MAJIN: variants seen among roughly 807,000 people sequenced by gnomAD.
MAJIN encodes membrane-anchored junction protein.
A neutral mutation model predicts 30.2 loss-of-function variants in MAJIN; 27 were observed. The observed-to-expected ratio is 0.89, with a 90% CI of 0.66 to 1.23. The LOEUF (loss-of-function observed/expected upper bound fraction) is 1.23. Among genes scored for constraint, MAJIN ranks in the 50% most tolerant of loss-of-function variants. The pLI is 0.00. For missense variants in MAJIN, 253 were observed against 260.3 expected (o/e 0.97, Z 0.19); for synonymous variants, 78 against 91.6 (o/e 0.85, Z 0.85).
intron 10 of MAJIN, among the ~76,000 whole-genome samples, chr11:64,938,940 G>T (rs1945329357): frequency 1.3e-5 from 2 of 152,048 alleles, no homozygotes; most frequent in African/African-American, 2.4e-5. Flanking sequence ...TGTTTGGTTG[G>T]TTTTTTTGAG....
chr11:64,947,393 T>TG lies in MAJIN; in HGVS notation c.453dup (p.Ser152GlnfsTer83). 6.2e-7 allele frequency: 1 copy of TG among 1,613,630 alleles called. No homozygotes were observed. Among genetic ancestry groups the TG allele is most frequent in the Non-Finnish European group, 8.5e-7 (1 of 1,180,014 alleles). On this transcript the variant is annotated frameshift_variant, in exon 8 of 11. Transcript: ENST00000301896. LOFTEE classifies it high-confidence loss of function. ...ACTGACCTGTCCAGCCCTGGCCTGC[T>TG]GGGGGAGCTGGGCTCGTCCATGTGT... is the stretch of plus-strand genomic sequence containing the variant.
intron 6 of MAJIN, among the ~76,000 whole-genome samples, chr11:64,949,395 A>C (rs1194350740): frequency 6.6e-6 from 1 of 152,194 alleles, no homozygotes; most frequent in Non-Finnish European, 1.5e-5. Flanking sequence ...AATTCTCTCT[A>C]ATGGAAGGGT....
intron 4 of MAJIN, among the ~76,000 whole-genome samples, chr11:64,952,919 G>T (rs1731622653): frequency 6.6e-6 from 1 of 152,020 alleles, no homozygotes; most frequent in African/African-American, 2.4e-5. Flanking sequence ...TGGCCAGTCT[G>T]GTCTTAAACT....
chr11:64,939,631 C>T (rs766402669), intron 10 of MAJIN, 31 bp downstream of exon 10: 28 of 1,585,680 alleles, frequency 1.8e-5, no homozygotes, highest in Non-Finnish European at 2.2e-5. Flanking sequence ...AGCTGGATCT[C>T]GAGTCTGATG....
intron 3 of MAJIN, 139 bp downstream of exon 3, chr11:64,959,166 A>G: frequency 1.7e-6 from 1 of 597,938 alleles, no homozygotes; most frequent in Non-Finnish European, 3.0e-6. Flanking sequence ...TGAATATAAA[A>G]TTCCTGGGAA....
intron 6 of MAJIN, among the ~76,000 whole-genome samples, chr11:64,948,627 ATATATATATATATTTTTTTTTTTT>A (rs1945494087): frequency 4.8e-5 from 2 of 41,806 alleles, no homozygotes; most frequent in African/African-American, 2.7e-4. Context: ...ATATATATAT[ATATATATATATATTTTTTTTTTTT>A]TTTTTTTTTT....
intron 6 of MAJIN, among the ~76,000 whole-genome samples, chr11:64,948,805 C>T (rs1435629568): frequency 6.8e-6 from 1 of 147,898 alleles, no homozygotes; most frequent in African/African-American, 2.5e-5. Context: ...TAGAGGCGCA[C>T]ACCACCACGC....
chr11:64,944,551 C>G (rs1369140351), intron 8 of MAJIN, among the ~76,000 whole-genome samples: 2 of 152,126 alleles, frequency 1.3e-5, no homozygotes, highest in Non-Finnish European at 2.9e-5. Context: ...CCTAGCTACT[C>G]CAGAGGCTGA....
At chr11:64,954,625 G>C in intron 4 of MAJIN, 132 bp downstream of exon 4, 2 of 829,494 alleles carry the variant, frequency 2.4e-6, no homozygotes, top group Non-Finnish European at 4.2e-6. Flanking sequence ...CCTTTGCAAA[G>C]GAGATGTAGC....
intron 8 of MAJIN, among the ~76,000 whole-genome samples, chr11:64,943,824 C>G (rs1468678088): frequency 2.0e-5 from 3 of 152,184 alleles, no homozygotes; most frequent in Non-Finnish European, 4.4e-5. Flanking sequence ...TAGTAATTAT[C>G]TTGGTTGTAT....
rs987485616 is a variant in MAJIN, at chr11:64,965,429, A to T, written c.-64-5294T>A. Among the ~76,000 whole-genome samples the T allele has an allele frequency of 3.3e-5, 5 of 152,264 alleles. No individual in the cohort carries two copies. The East Asian group carries it at 9.6e-4, about 29-fold the overall frequency. ...GAAAGGAGTCTAAATTAACCTCTTA[A>T]GTTAACTTAGTTTCTCTTTGTTACT... On this transcript the variant is annotated intron_variant, in intron 1 of 10. Transcript: ENST00000301896.
chr11:64,938,351 A>G lies in MAJIN; in HGVS notation c.*224T>C, dbSNP rs1227116402. The G allele has an allele frequency of 1.5e-6, 1 of 656,884 alleles. No individual in the cohort carries two copies. The allele number at this position is 656,884 out of a possible 1,614,324, so 40.7% of individuals were successfully genotyped here. A position where few individuals can be genotyped will look rare whatever the true frequency, so the allele number is the denominator to read the frequency against. The stretch of plus-strand genomic sequence containing the variant: ...CATTCTTAATGTTTTAAATTGGGGG[A>G]AAAAATCTATTATAAAGGGGCAAAG... On this transcript the variant is annotated 3_prime_UTR_variant, in exon 11 of 11. Coordinates refer to ENST00000301896, the MANE Select transcript of MAJIN (RefSeq NM_001037225.3).
intron 10 of MAJIN, among the ~76,000 whole-genome samples, chr11:64,939,331 C>T (rs2136706932): frequency 6.6e-6 from 1 of 152,308 alleles, no homozygotes; most frequent in South Asian, 2.1e-4. Flanking sequence ...AACTCCTGAC[C>T]TCAAGTGATC....
Position 64,958,755 on chromosome 11 carries a change from T to C in MAJIN, c.101+550A>G, listed in dbSNP as rs370617596. ...CCTCCATCTCCCAGGTTCAAGCAAT[T>C]CTCCTGCCTCAGCCTCCTACCACCA... On this transcript the variant is annotated intron_variant, in intron 3 of 10. Coordinates refer to ENST00000301896, the MANE Select transcript of MAJIN (RefSeq NM_001037225.3). Among the ~76,000 whole-genome samples, 32 of 152,018 alleles carry C rather than the reference T, an allele frequency of 2.1e-4. No individual in the cohort carries two copies. In the East Asian group the frequency reaches 6.0e-3, roughly 28 times the overall value.
At chr11:64,967,197 C>G (rs1945825403) in intron 1 of MAJIN, among the ~76,000 whole-genome samples, 1 of 151,992 alleles carries the variant, frequency 6.6e-6, no homozygotes, top group East Asian at 1.9e-4. Context: ...CACTTGAGGT[C>G]AGGAGTTCGA....
chr11:64,959,383 TAGGTAA>T lies in MAJIN; in HGVS notation c.17_22del (p.Phe6_Thr7del), dbSNP rs768472657. ...AAGAAACCTCGTCTCTGGAAACGGG[TAGGTAA>T]AGGGTTTTAAACTCATTGCTCCCAA... On this transcript the variant is annotated inframe_deletion, in exon 3 of 11. Transcript: ENST00000301896. 6.2e-7 allele frequency: 1 copy of T among 1,613,782 alleles called. No homozygotes were observed. The highest frequency in any genetic ancestry group is 1.3e-5 in the African/African-American group (1 of 74,974).
At chr11:64,940,489 G>C (rs1232000400) in intron 9 of MAJIN, 85 bp downstream of exon 9, 2 of 1,405,620 alleles carry the variant, frequency 1.4e-6, no homozygotes, top group Non-Finnish European at 2.0e-6. Context: ...CCCAGACTCA[G>C]CTCTGTGCTG....
intron 10 of MAJIN, 60 bp from the exon 11 acceptor site, chr11:64,938,633 T>C (rs1348692691): frequency 1.3e-6 from 2 of 1,505,416 alleles, no homozygotes; most frequent in East Asian, 4.9e-5. Context: ...CTTCTCCCCA[T>C]TTCCCATTAG....
chr11:64,941,825 C>T (rs369498678), intron 8 of MAJIN, among the ~76,000 whole-genome samples: 8 of 152,018 alleles, frequency 5.3e-5, no homozygotes, highest in Non-Finnish European at 8.8e-5. Context: ...GTTGTCATGA[C>T]GGGGGTGAGG....
Sources: gnomAD v4.1 joint callset for allele counts (sites outside exome capture counted in the v4.1 genomes callset) on GRCh38, gnomAD v4.1.1 for gene constraint, MANE v1.5 for transcripts, NCBI Gene and HGNC (gene_info 2026-07-23, HGNC 2026-07-21) for gene names.